Variants in FBXL17 observed in about 807,000 individuals in gnomAD.
FBXL17 encodes F-box and leucine rich repeat protein 17.
FBXL17 carries 22 observed loss-of-function variants against 66.2 expected under a neutral mutation model. That is an observed-to-expected ratio of 0.33 (90% CI 0.24 to 0.47). FBXL17 has a LOEUF of 0.47. FBXL17 is among the 20% of genes least tolerant of loss of function. The pLI is 1.00. For synonymous variants in FBXL17, 474 were observed against 400.5 expected, an observed-to-expected ratio of 1.18 and a Z score of -2.19; for missense variants, 878 against 948.2, an observed-to-expected ratio of 0.93 and a Z score of 0.97.
intron 4 of FBXL17, among the ~76,000 whole-genome samples, chr5:108,316,870 T>C (rs1759389323): frequency 6.6e-6 from 1 of 151,284 alleles, no homozygotes; most frequent in Admixed American, 6.6e-5. Context: ...ACTTTGTAAG[T>C]TATTATACAT....
intron 5 of FBXL17, among the ~76,000 whole-genome samples, chr5:108,213,534 A>G (rs1754468371): frequency 6.6e-6 from 1 of 152,104 alleles, no homozygotes; most frequent in East Asian, 1.9e-4. Flanking sequence ...TCCGCTGGGT[A>G]GGGGAGAAAA....
Position 108,381,649 on chromosome 5 carries a change from G to A in FBXL17, c.43C>T (p.Gln15Ter), listed in dbSNP as rs1749955101. The change falls in exon 1 of 9, where the codon CAG (glutamine) becomes TAG (stop). Residue 15 changes from glutamine to a stop codon, truncating the protein, a stop_gained. Transcript: ENST00000542267. LOFTEE classifies it high-confidence loss of function. ...LSKEPRNRPSQKRPRCCSWCR... is the reference protein window; with the variant it reads ...LSKEPRNRPS ...CAACTGCAACAGCGAGGCCTCTTCT[G>A]GCTCGGGCGGTTACGCGGCTCCTTC... The A allele has an allele frequency of 1.4e-6, 2 of 1,480,182 alleles. No individual in the cohort carries two copies. The highest frequency in any genetic ancestry group is 1.8e-6 in the Non-Finnish European group (2 of 1,119,512). The allele number at this position is 1,480,182 out of a possible 1,614,324, so 91.7% of individuals were successfully genotyped here. A position where few individuals can be genotyped will look rare whatever the true frequency, so the allele number is the denominator to read the frequency against.
At chr5:107,922,623 T>C (rs1396250695) in intron 7 of FBXL17, among the ~76,000 whole-genome samples, 1 of 152,210 alleles carries the variant, frequency 6.6e-6, no homozygotes, top group African/African-American at 2.4e-5. Context: ...TCAGTAAGTC[T>C]GTAGATCATA....
At chr5:108,303,270 AAAT>A (rs1225364119) in intron 4 of FBXL17, among the ~76,000 whole-genome samples, 1 of 151,672 alleles carries the variant, frequency 6.6e-6, no homozygotes, top group Non-Finnish European at 1.5e-5. Flanking sequence ...TTACCACCAC[AAAT>A]GTTAACTTAA....
At chr5:107,919,312 C>A (rs886912933) in intron 7 of FBXL17, among the ~76,000 whole-genome samples, 1 of 152,152 alleles carries the variant, frequency 6.6e-6, no homozygotes, top group Admixed American at 6.5e-5. Flanking sequence ...GATCCAACAG[C>A]TTCTCCCCAA....
In FBXL17 at chr5:108,036,137, G is replaced by A. The variant is rs76718989; in HGVS notation, c.1746-15136C>T. 2.6e-4 allele frequency among the ~76,000 whole-genome samples: 40 copies of A among 152,194 alleles called. 1 individual carries two copies. The East Asian group carries it at 6.8e-3, about 26-fold the overall frequency. On this transcript the variant is annotated intron_variant, in intron 6 of 8. Coordinates refer to ENST00000542267, the MANE Select transcript of FBXL17 (RefSeq NM_001163315.3). ...CTGTTTTATGGATTGAGATGACTGT[G>A]CCAGTTTTTTTTGTTGCTGTTCAAA...
intron 4 of FBXL17, among the ~76,000 whole-genome samples, chr5:108,288,533 A>AAGTG (rs36008101): frequency 2.0e-5 from 3 of 151,814 alleles, no homozygotes; most frequent in Non-Finnish European, 2.9e-5. Context: ...CGAACATAGT[A>AAGTG]CATTATGTAG....
chr5:108,214,637 T>C (rs1269739861), intron 5 of FBXL17, among the ~76,000 whole-genome samples: 1 of 152,160 alleles, frequency 6.6e-6, no homozygotes, highest in African/African-American at 2.4e-5. Context: ...CCCAAACTGC[T>C]GGGATTACAG....
At chr5:108,109,601 T>G (rs1049044736) in intron 6 of FBXL17, among the ~76,000 whole-genome samples, 1 of 152,086 alleles carries the variant, frequency 6.6e-6, no homozygotes, top group Non-Finnish European at 1.5e-5. Context: ...CATTTGTATG[T>G]TTTTTTTCTT....
intron 7 of FBXL17, among the ~76,000 whole-genome samples, chr5:107,888,606 C>A (rs1335486529): frequency 6.6e-6 from 1 of 152,154 alleles, no homozygotes; most frequent in Non-Finnish European, 1.5e-5. Context: ...TATATAGAGT[C>A]AAACACCAAA....
At chr5:108,310,371 T>C (rs931985596) in intron 4 of FBXL17, among the ~76,000 whole-genome samples, 1 of 152,204 alleles carries the variant, frequency 6.6e-6, no homozygotes, top group South Asian at 2.1e-4. Flanking sequence ...AATTACTACA[T>C]GTTTTTACTC....
At chr5:108,322,503 G>T (rs944889585) in intron 4 of FBXL17, among the ~76,000 whole-genome samples, 33 of 151,964 alleles carry the variant, frequency 2.2e-4, no homozygotes, top group African/African-American at 7.2e-4. Flanking sequence ...TATAAGAAAA[G>T]AATAATATAA....
chr5:108,109,761 A>G (rs769854506), intron 6 of FBXL17, among the ~76,000 whole-genome samples: 19 of 152,186 alleles, frequency 1.2e-4, no homozygotes, highest in Non-Finnish European at 2.2e-4. Context: ...ACATTATTGC[A>G]TTAGCTCAAT....
In FBXL17 at chr5:108,111,443, A is replaced by ATC. The variant is rs74350813; in HGVS notation, c.1745+74673_1745+74674insGA. Among the ~76,000 whole-genome samples the ATC allele has an allele frequency of 1.1e-4, 16 of 152,006 alleles. No individual in the cohort carries two copies. In the South Asian group the frequency reaches 3.3e-3, roughly 32 times the overall value. Reference sequence around the variant, plus strand: ...CTGAAGTCAGATTATTTTTCTCTAAAACACATCATCATATTCTTATTTATT... The same window carrying ATC: ...CTGAAGTCAGATTATTTTTCTCTAAATCACACATCATCATATTCTTATTTATT... On this transcript the variant is annotated intron_variant, in intron 6 of 8. Transcript: ENST00000542267.
At chr5:108,360,593 T>C (rs1748282239) in intron 3 of FBXL17, among the ~76,000 whole-genome samples, 1 of 152,146 alleles carries the variant, frequency 6.6e-6, no homozygotes, top group African/African-American at 2.4e-5. Flanking sequence ...TCCCTGAATT[T>C]ATTGAGTTTC....
chr5:107,939,653 T>C (rs1390028195), intron 7 of FBXL17, among the ~76,000 whole-genome samples: 2 of 152,186 alleles, frequency 1.3e-5, no homozygotes, highest in African/African-American at 4.8e-5. Flanking sequence ...CTGTCTCCAG[T>C]ATTTCCTAAT....
chr5:108,001,503 T>G (rs1753727352), intron 7 of FBXL17, among the ~76,000 whole-genome samples: 1 of 151,266 alleles, frequency 6.6e-6, no homozygotes, highest in African/African-American at 2.4e-5. Flanking sequence ...TTTTTTTGTA[T>G]TTTTTTTTGT....
chr5:108,046,378 G>A (rs1747254708), intron 6 of FBXL17, among the ~76,000 whole-genome samples: 1 of 152,130 alleles, frequency 6.6e-6, no homozygotes, highest in Admixed American at 6.5e-5. Context: ...CTTGGGTCAT[G>A]TTTTAAAATC....
intron 4 of FBXL17, among the ~76,000 whole-genome samples, chr5:108,342,779 T>A (rs1403640338): frequency 6.6e-6 from 1 of 152,180 alleles, no homozygotes; most frequent in Non-Finnish European, 1.5e-5. Flanking sequence ...TAAAACAGCA[T>A]AGTACCTGGT....
Sources: allele counts gnomAD v4.1 joint callset (sites outside exome capture counted in the v4.1 genomes callset), GRCh38; gene constraint gnomAD v4.1.1; transcripts MANE v1.5; gene names NCBI Gene and HGNC (gene_info 2026-07-23, HGNC 2026-07-21).